Variants in ST14 observed in about 807,000 individuals in gnomAD.
ST14 encodes ST14 transmembrane serine protease matriptase.
A neutral mutation model predicts 96.5 loss-of-function variants in ST14; 40 were observed. The ratio of observed to expected loss-of-function variants is 0.41; its 90% CI spans 0.32 to 0.54. ST14 has a LOEUF of 0.54. Among genes scored for constraint, ST14 ranks in the 20% least tolerant of loss-of-function variants. ST14 has a pLI of 0.17. For missense variants in ST14, 1,066 were observed against 1,188.9 expected (o/e 0.90, Z 1.52); for synonymous variants, 506 against 492.1 (o/e 1.03, Z -0.37).
chr11:130,200,208 G>A, intron 16 of ST14, 71 bp downstream of exon 16: 1 of 1,576,986 alleles, frequency 6.3e-7, no homozygotes, highest in Non-Finnish European at 8.6e-7. Flanking sequence ...GCCAGGATAG[G>A]TTGGCACCGA....
intron 1 of ST14, among the ~76,000 whole-genome samples, chr11:130,163,632 G>A (rs1393106820): frequency 1.3e-5 from 2 of 152,130 alleles, no homozygotes; most frequent in East Asian, 3.9e-4. Context: ...GAAGAGGGTT[G>A]GGAAGGCAGA....
chr11:130,192,672 G>A (rs1001094153), intron 7 of ST14, among the ~76,000 whole-genome samples: 18 of 152,296 alleles, frequency 1.2e-4, no homozygotes, highest in Admixed American at 2.6e-4. Flanking sequence ...GATTACAGGC[G>A]TGAGCCACAG....
chr11:130,208,354 G>A (rs1415552067), intron 16 of ST14, 56 bp from the exon 17 acceptor site: 2 of 1,612,246 alleles, frequency 1.2e-6, no homozygotes, highest in Non-Finnish European at 1.7e-6. Flanking sequence ...GGGGCCGCGA[G>A]GCCGTGTGCA....
chr11:130,174,229 C>T (rs1953117129), intron 1 of ST14, among the ~76,000 whole-genome samples: 1 of 152,110 alleles, frequency 6.6e-6, no homozygotes, highest in South Asian at 2.1e-4. Context: ...CTCCTGGGGG[C>T]CCACAGCCAG....
chr11:130,197,998 G>A (rs955265528), intron 12 of ST14, 53 bp downstream of exon 12: 150 of 1,493,782 alleles, frequency 1.0e-4, no homozygotes, highest in Middle Eastern at 1.7e-4. Context: ...CACCCTGCCC[G>A]CGTCCCATGG....
chr11:130,190,306 C>T, intron 6 of ST14, 148 bp from the exon 7 acceptor site: 1 of 1,481,412 alleles, frequency 6.8e-7, no homozygotes, highest in Non-Finnish European at 9.3e-7. Context: ...TCTGAGAAGC[C>T]CCCTTCCTGA....
At chr11:130,190,015 TACGTGCTG>T in intron 5 of ST14, 90 bp from the exon 6 acceptor site, 1 of 1,610,390 alleles carries the variant, frequency 6.2e-7, no homozygotes, top group Non-Finnish European at 8.5e-7. Flanking sequence ...GAGAGAAGAC[TACGTGCTG>T]GCCGGGCACC....
At chr11:130,185,304 C>T (rs1383452769) in intron 1 of ST14, among the ~76,000 whole-genome samples, 1 of 151,708 alleles carries the variant, frequency 6.6e-6, no homozygotes, top group Non-Finnish European at 1.5e-5. Flanking sequence ...ATGGATAATA[C>T]AGAGAAAGGA....
In ST14 at chr11:130,191,646, T is replaced by C. The variant is rs373956847; in HGVS notation, c.875+952T>C. Among the ~76,000 whole-genome samples, 321 of 136,998 alleles carry C rather than the reference T, an allele frequency of 2.3e-3. 2 individuals carry two copies. Among genetic ancestry groups the C allele is most frequent in the African/African-American group, 7.6e-3 (266 of 35,050 alleles). 89.9% of individuals were successfully genotyped at this position (136,998 alleles called of 152,430 possible). A position where few individuals can be genotyped will look rare whatever the true frequency, so the allele number is the denominator to read the frequency against. ...CAGAGGTTGCAGTGAGCCGAGATCG[T>C]ACCACTACACTCCAGCCTGGGCAAC... is the stretch of plus-strand genomic sequence containing the variant. On this transcript the variant is annotated intron_variant, in intron 7 of 18. Transcript: ENST00000278742.
intron 1 of ST14, among the ~76,000 whole-genome samples, chr11:130,184,792 GAGAGGTGAAA>G (rs1953223156): frequency 6.6e-6 from 1 of 152,238 alleles, no homozygotes; most frequent in Non-Finnish European, 1.5e-5. Context: ...AGGCTGTAGA[GAGAGGTGAAA>G]AGAAGGGGAA....
chr11:130,163,050 T>C (rs1565616153), intron 1 of ST14, among the ~76,000 whole-genome samples: 1 of 152,196 alleles, frequency 6.6e-6, no homozygotes, highest in Non-Finnish European at 1.5e-5. Flanking sequence ...CCTTTGTAAG[T>C]TGCAGTGTGG....
chr11:130,172,411 CTTTTTTTTT>C (rs1173051845), intron 1 of ST14, among the ~76,000 whole-genome samples: 2 of 88,286 alleles, frequency 2.3e-5, no homozygotes, highest in African/African-American at 5.0e-5. Context: ...TGGCTGTCTT[CTTTTTTTTT>C]TTTTTTTTTT....
intron 9 of ST14, 104 bp downstream of exon 9, chr11:130,194,841 CAT>C (rs2136215392): frequency 6.2e-6 from 7 of 1,129,666 alleles, no homozygotes; most frequent in Non-Finnish European, 7.7e-6. Flanking sequence ...CATGTGTTTG[CAT>C]ATGTGTGCAT....
chr11:130,161,129 G>T (rs1360083580), intron 1 of ST14, among the ~76,000 whole-genome samples: 1 of 152,186 alleles, frequency 6.6e-6, no homozygotes, highest in Non-Finnish European at 1.5e-5. Context: ...TAGGGAGCTT[G>T]CAGAAAATCA....
rs750866831 is a variant in ST14, at chr11:130,188,543, T to G, written c.255T>G (p.Arg85=). 6.2e-7 allele frequency: 1 copy of G among 1,614,104 alleles called. No homozygotes were observed. The highest frequency in any genetic ancestry group is 1.1e-5 in the South Asian group (1 of 91,084). ...LVWHLQYRDV[R]VQKVFNGYMR... ...GGTCTCACACAGACCGGGACGTGCG[T>G]GTCCAGAAGGTCTTCAATGGCTACA... The change falls in exon 3 of 19, where the codon CGT becomes CGG. Residue 85 remains arginine (R), a synonymous_variant. Transcript: ENST00000278742. This position sits in a 1 kb window ranked among gnomAD's most constrained non-coding sequence, Gnocchi z 5.4.
chr11:130,190,677 G>A lies in ST14; in HGVS notation c.858G>A (p.Glu286=), dbSNP rs757475313. The change falls in exon 7 of 19, where the codon GAG becomes GAA. Residue 286 remains glutamate, a synonymous_variant. Transcript: ENST00000278742. ...TGTACAACACCCTGAGCCCCATGGA[G>A]CCCCACGCCCTGGTGCAGTGAGTAC... is the stretch of plus-strand genomic sequence containing the variant. ...VTVYNTLSPM[E]PHALVQLCGT... is the part of the protein sequence containing the mutation. 1.3e-6 allele frequency: 2 copies of A among 1,591,930 alleles called. No homozygotes were observed. Among genetic ancestry groups the A allele is most frequent in the East Asian group, 2.3e-5 (1 of 43,344 alleles).
chr11:130,200,255 C>G (rs1279150127), intron 16 of ST14, 118 bp downstream of exon 16: 3 of 1,176,658 alleles, frequency 2.5e-6, no homozygotes, highest in Admixed American at 4.2e-5. Context: ...TGTGTTAGTC[C>G]ATTCTTGAGT....
rs745916054 is a variant in ST14, at chr11:130,188,055, C to T, written c.82-59C>T. 27 of 1,602,106 alleles carry T rather than the reference C, an allele frequency of 1.7e-5. No homozygotes were observed. The Admixed American group carries it at 2.7e-4, about 16-fold the overall frequency. On this transcript the variant is annotated intron_variant, in intron 1 of 18. Coordinates refer to ENST00000278742, the MANE Select transcript of ST14 (RefSeq NM_021978.4). The surrounding 1 kb of genome is among the most constrained non-coding windows in gnomAD (Gnocchi z 5.4). ...CACAAAATGTGAACATCTTCCCCAG[C>T]GGGGTGCAGGGGAAGAGCGGGTGAG... is the stretch of plus-strand genomic sequence containing the variant.
At chr11:130,203,814 G>A (rs1314976939) in intron 16 of ST14, among the ~76,000 whole-genome samples, 6 of 152,206 alleles carry the variant, frequency 3.9e-5, no homozygotes, top group South Asian at 2.1e-4. Flanking sequence ...CACCGTGCCC[G>A]GCTAATTTTT....
Sources: gnomAD v4.1 joint callset for allele counts (sites outside exome capture counted in the v4.1 genomes callset) on GRCh38, gnomAD v4.1.1 for gene constraint, Gnocchi (gnomAD v3.1) non-coding constraint, MANE v1.5 for transcripts, NCBI Gene and HGNC (gene_info 2026-07-23, HGNC 2026-07-21) for gene names.